The following CEMIP variants were observed in gnomAD, a reference collection of about 807,000 sequenced individuals.
CEMIP encodes the protein cell migration-inducing and hyaluronan-binding protein.
In CEMIP, 105 loss-of-function variants were observed where a neutral mutation model predicts 156.9. That is an observed-to-expected ratio of 0.67 (90% CI 0.57 to 0.79). CEMIP has a LOEUF of 0.79. Ranked by LOEUF, CEMIP falls within the 30% of genes least tolerant of loss-of-function variation. CEMIP has a pLI of 0.00. For synonymous variants in CEMIP, 676 were observed against 668.4 expected, an observed-to-expected ratio of 1.01 and a Z score of -0.17; for missense variants, 1,457 against 1,769.4, an observed-to-expected ratio of 0.82 and a Z score of 3.17.
intron 28 of CEMIP, 59 bp from the exon 29 acceptor site, chr15:80,946,906 A>G: frequency 1.7e-6 from 2 of 1,174,640 alleles, no homozygotes; most frequent in African/African-American, 1.5e-5. Flanking sequence ...ATCCCTCCCC[A>G]TGCCCACTTT....
intron 16 of CEMIP, 65 bp downstream of exon 16, chr15:80,921,166 G>C (rs1403921366): frequency 6.4e-6 from 9 of 1,407,366 alleles, no homozygotes; most frequent in Non-Finnish European, 9.0e-6. Context: ...GGAGACAGCC[G>C]AGGCTTACCT....
At chr15:80,815,485 C>G (rs1896769804) in intron 1 of CEMIP, among the ~76,000 whole-genome samples, 1 of 152,180 alleles carries the variant, frequency 6.6e-6, no homozygotes, top group African/African-American at 2.4e-5. Flanking sequence ...CAGTACAATG[C>G]CTGGTATATA....
rs1479915260 is a variant in CEMIP, at chr15:80,932,799, T to A, written c.2794-446T>A. Among the ~76,000 whole-genome samples, 1 of 152,204 alleles carries A rather than the reference T, an allele frequency of 6.6e-6. No homozygotes were observed. ...AACTGTCTTCCTGAAACGTGCCACA[T>A]GCATCTTCTCTCGCACACGGATGCC... On this transcript the variant is annotated intron_variant, in intron 22 of 29. Coordinates refer to ENST00000394685, the MANE Select transcript of CEMIP (RefSeq NM_001293298.2). This position sits in a 1 kb window ranked among gnomAD's most constrained non-coding sequence, Gnocchi z 4.5.
chr15:80,918,558 T>C (rs1900358051), intron 14 of CEMIP, among the ~76,000 whole-genome samples: 1 of 152,168 alleles, frequency 6.6e-6, no homozygotes, highest in East Asian at 1.9e-4. Context: ...CTGGTCGGTA[T>C]GTGGATTTTC....
chr15:80,863,736 G>A (rs532004719), intron 1 of CEMIP, among the ~76,000 whole-genome samples: 35 of 152,276 alleles, frequency 2.3e-4, no homozygotes, highest in African/African-American at 7.0e-4. Flanking sequence ...TTGGGGGCCC[G>A]GAGGAAGTTC....
chr15:80,897,381 A>G (rs1338914619), intron 12 of CEMIP: 1 of 455,972 alleles, frequency 2.2e-6, no homozygotes, highest in Non-Finnish European at 4.4e-6. Context: ...CACTGATGGA[A>G]TTCAGTCCCC....
At chr15:80,905,195 C>T (rs1039053211) in intron 12 of CEMIP, among the ~76,000 whole-genome samples, 4 of 152,138 alleles carry the variant, frequency 2.6e-5, no homozygotes, top group Non-Finnish European at 5.9e-5. Context: ...GGGCTGAGGC[C>T]AGTGCTCCAT....
chr15:80,917,428 T>TAAA (rs1223007243), intron 14 of CEMIP, among the ~76,000 whole-genome samples: 1 of 152,180 alleles, frequency 6.6e-6, no homozygotes, highest in East Asian at 1.9e-4. Flanking sequence ...TTGGAGGCAT[T>TAAA]AAACTTGACC....
intron 1 of CEMIP, among the ~76,000 whole-genome samples, chr15:80,843,451 G>A (rs1222317497): frequency 6.6e-6 from 1 of 152,226 alleles, no homozygotes; most frequent in African/African-American, 2.4e-5. Flanking sequence ...AGAGACAGCT[G>A]AGGATATGGA....
intron 25 of CEMIP, among the ~76,000 whole-genome samples, chr15:80,940,823 C>G (rs538647379): frequency 3.3e-5 from 5 of 152,182 alleles, no homozygotes; most frequent in African/African-American, 1.2e-4. Context: ...TCCATCTCCC[C>G]ATGTTCACAC....
rs1555428889 is a variant in CEMIP, at chr15:80,829,990, G to GTGTGTGTGTGTT, written c.-175-43537_-175-43536insTTGTGTGTGTGT. On this transcript the variant is annotated intron_variant, in intron 1 of 29. Coordinates refer to ENST00000394685, the MANE Select transcript of CEMIP (RefSeq NM_001293298.2). Reference sequence around the variant, plus strand: ...GGTGTGTGTGTGTGTGTGTGTGTGTGTGTGTGTGTGTGCGCGCATGTCCTT... The same window carrying GTGTGTGTGTGTT: ...GGTGTGTGTGTGTGTGTGTGTGTGTGTGTGTGTGTGTTTGTGTGTGTGTGCGCGCATGTCCTT... 9.1e-3 allele frequency among the ~76,000 whole-genome samples: 1,360 copies of GTGTGTGTGTGTT among 149,274 alleles called. 25 individuals are homozygous for GTGTGTGTGTGTT. Among genetic ancestry groups the GTGTGTGTGTGTT allele is most frequent in the African/African-American group, 0.032 (1,273 of 40,042 alleles).
chr15:80,947,297 G>A, intron 29 of CEMIP: 1 of 509,330 alleles, frequency 2.0e-6, no homozygotes, highest in South Asian at 2.5e-5. Context: ...ACCAGCCACT[G>A]AAAGAAAATT....
At chr15:80,900,636 G>GTGTGTC (rs1899465801) in intron 12 of CEMIP, among the ~76,000 whole-genome samples, 2 of 132,110 alleles carry the variant, frequency 1.5e-5, no homozygotes, top group African/African-American at 5.4e-5. Context: ...GTGTGTGTGT[G>GTGTGTC]TGTGTGTGTG....
chr15:80,866,792 A>G (rs1186445776), intron 1 of CEMIP, among the ~76,000 whole-genome samples: 2 of 151,244 alleles, frequency 1.3e-5, no homozygotes, highest in Non-Finnish European at 2.9e-5. Flanking sequence ...GTCTTAAAAA[A>G]AAAAAAAAGA....
At chr15:80,839,634 T>A (rs1897347885) in intron 1 of CEMIP, among the ~76,000 whole-genome samples, 1 of 152,146 alleles carries the variant, frequency 6.6e-6, no homozygotes, top group South Asian at 2.1e-4. Context: ...GGGGCTGTGC[T>A]GCAAATGCTT....
intron 3 of CEMIP, among the ~76,000 whole-genome samples, chr15:80,875,059 G>T (rs1221362281): frequency 1.7e-5 from 2 of 120,632 alleles, no homozygotes. Context: ...TTTGAGATAG[G>T]GTCTCGCTCT....
chr15:80,780,029 C>A (rs1895749791), intron 1 of CEMIP, among the ~76,000 whole-genome samples: 1 of 152,108 alleles, frequency 6.6e-6, no homozygotes, highest in Non-Finnish European at 1.5e-5. Flanking sequence ...CGGTGTCCTG[C>A]CGACTGGGAG....
chr15:80,852,943 G>A (rs1288048211), intron 1 of CEMIP, among the ~76,000 whole-genome samples: 1 of 152,180 alleles, frequency 6.6e-6, no homozygotes, highest in African/African-American at 2.4e-5. Flanking sequence ...ACACCCACAT[G>A]TACCATCATC....
chr15:80,832,742 C>CT (rs1219229950), intron 1 of CEMIP, among the ~76,000 whole-genome samples: 28 of 152,186 alleles, frequency 1.8e-4, no homozygotes, highest in Non-Finnish European at 1.5e-5. Flanking sequence ...CCAGGTATCT[C>CT]TTAAGGCTTA....
Sources: gnomAD v4.1 joint callset for allele counts (sites outside exome capture counted in the v4.1 genomes callset) on GRCh38, gnomAD v4.1.1 for gene constraint, Gnocchi (gnomAD v3.1) non-coding constraint, MANE v1.5 for transcripts, NCBI Gene and HGNC (gene_info 2026-07-23, HGNC 2026-07-21) for gene names.